Variants in ZDHHC3 observed in about 807,000 individuals in gnomAD.
ZDHHC3 encodes the protein palmitoyltransferase ZDHHC3.
Under a neutral mutation model 30.6 loss-of-function variants are expected in ZDHHC3, and 9 were observed. That is an observed-to-expected ratio of 0.29 (90% CI 0.18 to 0.51). ZDHHC3 has a LOEUF of 0.51. Among genes scored for constraint, ZDHHC3 ranks in the 20% least tolerant of loss-of-function variants. The pLI is 0.97. For missense variants in ZDHHC3, 246 were observed against 384.2 expected (o/e 0.64, Z 3.01); for synonymous variants, 136 against 140.2 (o/e 0.97, Z 0.21).
In ZDHHC3 at chr3:44,945,236, C is replaced by T. The variant is rs1702812006; in HGVS notation, c.363G>A (p.Lys121=). ...TKEFIESLQL[K]PGQVVYKCPK... is the part of the protein sequence containing the mutation. ...GGCACTTGTACACCACCTGCCCAGG[C>T]TTCAACTGTAAACTCTCGATGAATT... is the stretch of plus-strand genomic sequence containing the variant. Residue 121 remains lysine, a synonymous_variant, in exon 3 of 7, where the codon AAG becomes AAA. Transcript: ENST00000424952. 1 of 1,614,242 alleles carries T rather than the reference C, an allele frequency of 6.2e-7. No individual in the cohort carries two copies. The highest frequency in any genetic ancestry group is 8.5e-7 in the Non-Finnish European group (1 of 1,180,050).
chr3:44,937,096 T>A (rs1033057739), intron 3 of ZDHHC3, among the ~76,000 whole-genome samples: 1 of 152,140 alleles, frequency 6.6e-6, no homozygotes, highest in African/African-American at 2.4e-5. Context: ...CAAAACAGGT[T>A]GAAATGCTAT....
intron 3 of ZDHHC3, chr3:44,937,733 GA>G: frequency 4.1e-6 from 1 of 246,252 alleles, no homozygotes; most frequent in East Asian, 1.0e-4. Context: ...CACCAGGAGT[GA>G]AGTCAGTGCC....
At chr3:44,934,513 G>C (rs1016404010) in intron 3 of ZDHHC3, among the ~76,000 whole-genome samples, 3 of 148,922 alleles carry the variant, frequency 2.0e-5, no homozygotes, top group East Asian at 2.0e-4. Flanking sequence ...GCAAGGTCAA[G>C]GACAGCAGGA....
intron 1 of ZDHHC3, among the ~76,000 whole-genome samples, chr3:44,973,050 A>G (rs1575971841): frequency 6.6e-6 from 1 of 152,224 alleles, no homozygotes; most frequent in Admixed American, 6.5e-5. Context: ...ATTGGGTTGC[A>G]ACAGACACAG....
intron 3 of ZDHHC3, among the ~76,000 whole-genome samples, chr3:44,940,332 A>C (rs539310428): frequency 6.6e-6 from 1 of 152,264 alleles, no homozygotes; most frequent in African/African-American, 2.4e-5. Context: ...TCACAGACTA[A>C]GAGCCTCTTC....
intron 2 of ZDHHC3, among the ~76,000 whole-genome samples, chr3:44,958,076 C>T (rs907756077): frequency 1.3e-4 from 20 of 152,152 alleles, no homozygotes; most frequent in African/African-American, 4.1e-4. Flanking sequence ...ATGGCTGTCC[C>T]GCATGCAGTG....
intron 3 of ZDHHC3, among the ~76,000 whole-genome samples, chr3:44,935,798 A>C (rs1386337892): frequency 4.6e-5 from 7 of 152,202 alleles, no homozygotes; most frequent in Non-Finnish European, 8.8e-5. Context: ...TACTGGAGAT[A>C]ACTGGCCAGC....
intron 2 of ZDHHC3, among the ~76,000 whole-genome samples, chr3:44,956,537 A>G (rs1005482310): frequency 2.0e-5 from 3 of 152,190 alleles, no homozygotes; most frequent in African/African-American, 7.2e-5. Context: ...GGAGCTCTAA[A>G]GCATTCGAAT....
At position 44,926,339 on chromosome 3, in the gene ZDHHC3, C is replaced by T. The variant is rs978035291; in HGVS notation, c.*350G>A. The T allele has an allele frequency of 5.0e-6, 5 of 1,008,394 alleles. No individual in the cohort carries two copies. The East Asian group carries it at 3.9e-4, about 78-fold the overall frequency. 62.5% of individuals were successfully genotyped at this position (1,008,394 alleles called of 1,614,324 possible). A position where few individuals can be genotyped will look rare whatever the true frequency, so the allele number is the denominator to read the frequency against. On this transcript the variant is annotated 3_prime_UTR_variant, in exon 7 of 7. Transcript: ENST00000424952. ...AGGTGTCCAGACTATTCCATCCACG[C>T]ACAGCGTCATGTCTCACTCAGTTAG...
In ZDHHC3 at chr3:44,918,285, C is replaced by A. The variant is rs1454259496; in HGVS notation, c.*8404G>T. The A allele has an allele frequency of 1.1e-5, 13 of 1,196,296 alleles. No homozygotes were observed. The East Asian group carries it at 7.6e-4, about 70-fold the overall frequency. 74.1% of individuals were successfully genotyped at this position (1,196,296 alleles called of 1,614,324 possible). On this transcript the variant is annotated 3_prime_UTR_variant, in exon 7 of 7. Transcript: ENST00000424952. ...ATGGGTAAGATGGGGTCTGAGTGGG[C>A]AGTCTGTTGTGGCCCAGGTCACCCC...
intron 1 of ZDHHC3, among the ~76,000 whole-genome samples, chr3:44,961,104 C>A (rs1169825722): frequency 6.6e-6 from 1 of 152,226 alleles, no homozygotes; most frequent in Non-Finnish European, 1.5e-5. Flanking sequence ...GATAGAATAA[C>A]CATCTCGGCC....
At chr3:44,945,337 T>C (rs1438523513) in intron 2 of ZDHHC3, 45 bp from the exon 3 acceptor site, 2 of 1,613,380 alleles carry the variant, frequency 1.2e-6, no homozygotes, top group Non-Finnish European at 1.7e-6. Context: ...GGGGGTTCTA[T>C]CAGCTCTAAC....
intron 2 of ZDHHC3, among the ~76,000 whole-genome samples, chr3:44,945,645 C>A (rs1225490743): frequency 6.6e-6 from 1 of 151,894 alleles, no homozygotes; most frequent in Non-Finnish European, 1.5e-5. Context: ...GCAACCTCTG[C>A]CTCCTGGGTT....
intron 2 of ZDHHC3, among the ~76,000 whole-genome samples, chr3:44,956,365 A>G (rs977336870): frequency 2.0e-5 from 3 of 152,198 alleles, no homozygotes; most frequent in Non-Finnish European, 4.4e-5. Context: ...TGACTAGAAC[A>G]TAAGCCTTGA....
chr3:44,944,300 C>T (rs1702713856), intron 3 of ZDHHC3, among the ~76,000 whole-genome samples: 1 of 152,164 alleles, frequency 6.6e-6, no homozygotes, highest in Non-Finnish European at 1.5e-5. Flanking sequence ...GCATGTGCCA[C>T]CACGCCCGGC....
intron 6 of ZDHHC3, among the ~76,000 whole-genome samples, chr3:44,928,330 C>T (rs1046856549): frequency 4.6e-5 from 7 of 152,156 alleles, no homozygotes; most frequent in African/African-American, 1.7e-4. Flanking sequence ...TTTGCACGTC[C>T]TCCTCTAAGC....
intron 2 of ZDHHC3, among the ~76,000 whole-genome samples, chr3:44,954,786 T>C (rs1010608281): frequency 6.6e-6 from 1 of 152,090 alleles, no homozygotes; most frequent in African/African-American, 2.4e-5. Context: ...CGTTTAAGCA[T>C]CTTCTGGGAG....
chr3:44,924,213 C>T lies in ZDHHC3; in HGVS notation c.*2476G>A. The stretch of plus-strand genomic sequence containing the variant: ...AGAAAGATGTCCTCTTTCATTACAT[C>T]CGGAAATACTGAGGAGAGCTCAGGG... On this transcript the variant is annotated 3_prime_UTR_variant, in exon 7 of 7. Coordinates refer to ENST00000424952, the MANE Select transcript of ZDHHC3 (RefSeq NM_001135179.2). 1 of 985,420 alleles carries T rather than the reference C, an allele frequency of 1.0e-6. No individual in the cohort carries two copies. The highest frequency in any genetic ancestry group is 1.2e-6 in the Non-Finnish European group (1 of 829,942). The allele number at this position is 985,420 out of a possible 1,614,324, so 61.0% of individuals were successfully genotyped here.
At chr3:44,926,904 G>T (rs1403401083) in intron 6 of ZDHHC3, 57 bp from the exon 7 acceptor site, 8 of 1,525,138 alleles carry the variant, frequency 5.2e-6, no homozygotes, top group Non-Finnish European at 6.2e-6. Context: ...TGGTTTCTGG[G>T]GAGGGATGTC....
Sources: gnomAD v4.1 joint callset for allele counts (sites outside exome capture counted in the v4.1 genomes callset) on GRCh38, gnomAD v4.1.1 for gene constraint, MANE v1.5 for transcripts, NCBI Gene and HGNC (gene_info 2026-07-23, HGNC 2026-07-21) for gene names.